The following AUTS2 variants were observed in gnomAD, a reference collection of about 807,000 sequenced individuals.
AUTS2 encodes the protein autism susceptibility gene 2 protein.
A neutral mutation model predicts 112.4 loss-of-function variants in AUTS2; 17 were observed. That is an observed-to-expected ratio of 0.15 (90% CI 0.10 to 0.23). The LOEUF is 0.23. Ranked by LOEUF, AUTS2 falls within the 10% of genes least tolerant of loss-of-function variation. The probability of loss-of-function intolerance (pLI) is 1.00; values close to 1 mark genes in which losing one functional copy is unlikely to be tolerated. For missense variants in AUTS2, 1,510 were observed against 1,701.6 expected (o/e 0.89, Z 1.98); for synonymous variants, 751 against 702.7 (o/e 1.07, Z -1.09).
intron 5 of AUTS2, among the ~76,000 whole-genome samples, chr7:70,560,215 C>T (rs926926060): frequency 3.3e-5 from 5 of 152,222 alleles, no homozygotes; most frequent in Non-Finnish European, 4.4e-5. Flanking sequence ...AACAACAGTA[C>T]ATCCCCCACC....
intron 6 of AUTS2, among the ~76,000 whole-genome samples, chr7:70,750,115 A>G (rs1788708087): frequency 3.3e-5 from 5 of 152,096 alleles, no homozygotes; most frequent in Admixed American, 2.6e-4. Context: ...ACAGAATGAA[A>G]CAGTCACTGC....
At chr7:70,345,185 G>A (rs1791440392) in intron 4 of AUTS2, among the ~76,000 whole-genome samples, 2 of 152,052 alleles carry the variant, frequency 1.3e-5, no homozygotes, top group South Asian at 4.2e-4. Context: ...GCATTTATTG[G>A]GCTTAGAATC....
intron 1 of AUTS2, among the ~76,000 whole-genome samples, chr7:69,606,671 T>A (rs1042014873): frequency 6.6e-6 from 1 of 152,190 alleles, no homozygotes; most frequent in Non-Finnish European, 1.5e-5. Context: ...AGAGCAACTG[T>A]TAATTTTAGA....
chr7:70,209,812 T>A (rs1294946232), intron 4 of AUTS2, among the ~76,000 whole-genome samples: 2 of 152,144 alleles, frequency 1.3e-5, no homozygotes, highest in Non-Finnish European at 2.9e-5. Flanking sequence ...ACCCAAGGTG[T>A]TTCTTATAGT....
intron 6 of AUTS2, among the ~76,000 whole-genome samples, chr7:70,745,561 A>G (rs1380258532): frequency 6.6e-6 from 1 of 152,174 alleles, no homozygotes; most frequent in Non-Finnish European, 1.5e-5. Flanking sequence ...CTATGCACAT[A>G]AAAGTGTGTT....
chr7:70,693,382 T>C (rs1000170792), intron 5 of AUTS2, among the ~76,000 whole-genome samples: 3 of 152,228 alleles, frequency 2.0e-5, no homozygotes, highest in East Asian at 3.9e-4. Context: ...ATTCGGTGAA[T>C]GCCAGGGGAA....
intron 4 of AUTS2, among the ~76,000 whole-genome samples, chr7:70,387,765 C>T (rs1793678560): frequency 6.6e-6 from 1 of 152,150 alleles, no homozygotes; most frequent in African/African-American, 2.4e-5. Context: ...CTTCATCCAT[C>T]GTCTCTACTT....
At position 70,526,321 on chromosome 7, in the gene AUTS2, G is replaced by A. The variant is rs890692931; in HGVS notation, c.690+90540G>A. Among the ~76,000 whole-genome samples the A allele has an allele frequency of 5.9e-5, 9 of 152,168 alleles. 1 individual carries two copies. The highest frequency in any genetic ancestry group is 5.9e-4 in the Admixed American group (9 of 15,276). On this transcript the variant is annotated intron_variant, in intron 5 of 18. Coordinates refer to ENST00000342771, the MANE Select transcript of AUTS2 (RefSeq NM_015570.4). ...GCTGACATCGTTTATTCTTCCTGAA[G>A]AGTCCTTTAGTTCATCACCTGGTGC...
chr7:70,057,403 C>T (rs1802043051), intron 2 of AUTS2, among the ~76,000 whole-genome samples: 1 of 152,122 alleles, frequency 6.6e-6, no homozygotes, highest in South Asian at 2.1e-4. Context: ...GTATTTGAGT[C>T]TCGGATAATG....
intron 4 of AUTS2, among the ~76,000 whole-genome samples, chr7:70,427,163 G>T (rs1795471580): frequency 6.6e-6 from 1 of 152,168 alleles, no homozygotes; most frequent in Non-Finnish European, 1.5e-5. Flanking sequence ...CATCTTCAAA[G>T]TCATTTGTAA....
At chr7:70,228,776 AT>A (rs892632329) in intron 4 of AUTS2, among the ~76,000 whole-genome samples, 5 of 151,958 alleles carry the variant, frequency 3.3e-5, no homozygotes, top group Non-Finnish European at 5.9e-5. Context: ...ATACATCTAT[AT>A]ATCTTATATA....
chr7:70,264,601 A>G (rs1165827881), intron 4 of AUTS2, among the ~76,000 whole-genome samples: 2 of 152,120 alleles, frequency 1.3e-5, no homozygotes, highest in African/African-American at 2.4e-5. Flanking sequence ...TAGGTTTTCA[A>G]TCTGTTTCTT....
At chr7:69,992,904 G>A (rs1273834628) in intron 2 of AUTS2, among the ~76,000 whole-genome samples, 1 of 152,120 alleles carries the variant, frequency 6.6e-6, no homozygotes, top group Non-Finnish European at 1.5e-5. Context: ...GAAAAGAAAT[G>A]TGGTTTCACT....
At chr7:69,635,231 C>T (rs1456479860) in intron 1 of AUTS2, among the ~76,000 whole-genome samples, 1 of 152,126 alleles carries the variant, frequency 6.6e-6, no homozygotes, top group African/African-American at 2.4e-5. Flanking sequence ...TTGATTCAGT[C>T]ATTTGGGCTA....
rs566536631 is a variant in AUTS2, at chr7:70,488,822, C to T, written c.690+53041C>T. 3.9e-5 allele frequency among the ~76,000 whole-genome samples: 6 copies of T among 152,314 alleles called. No homozygotes were observed. The East Asian group carries it at 1.2e-3, about 29-fold the overall frequency. On this transcript the variant is annotated intron_variant, in intron 5 of 18. Transcript: ENST00000342771. ...TGGAACCAATTAACTGAACCCCAGC[C>T]CAGGGCTCTTAGAACCCTTTCCCAA...
At chr7:69,823,060 G>T (rs1366193321) in intron 1 of AUTS2, among the ~76,000 whole-genome samples, 2 of 152,172 alleles carry the variant, frequency 1.3e-5, no homozygotes, top group African/African-American at 4.8e-5. Context: ...TTGCATTTTT[G>T]TCTCCACTTC....
intron 1 of AUTS2, among the ~76,000 whole-genome samples, chr7:69,881,882 T>C (rs1388193835): frequency 6.6e-6 from 1 of 152,176 alleles, no homozygotes; most frequent in African/African-American, 2.4e-5. Flanking sequence ...CCAGGCGTGG[T>C]GGCTCACACC....
chr7:70,043,240 A>G (rs918086302), intron 2 of AUTS2, among the ~76,000 whole-genome samples: 1 of 152,104 alleles, frequency 6.6e-6, no homozygotes, highest in African/African-American at 2.4e-5. Context: ...ACAATAAAAC[A>G]TCCTTTTGGA....
chr7:69,700,531 C>T lies in AUTS2; in HGVS notation c.309+100569C>T, dbSNP rs538195761. ...CAAATAAGGATGCACATCCAATTCA[C>T]GACTCCTGGCTGCCTCTGGGGATTT... is the stretch of plus-strand genomic sequence containing the variant. On this transcript the variant is annotated intron_variant, in intron 1 of 18. Transcript: ENST00000342771. 2.6e-5 allele frequency among the ~76,000 whole-genome samples: 4 copies of T among 152,190 alleles called. No individual in the cohort carries two copies. The South Asian group carries it at 8.3e-4, about 32-fold the overall frequency.
Sources: allele counts gnomAD v4.1 joint callset (sites outside exome capture counted in the v4.1 genomes callset), GRCh38; gene constraint gnomAD v4.1.1; transcripts MANE v1.5; gene names NCBI Gene and HGNC (gene_info 2026-07-23, HGNC 2026-07-21).